TNIK: variants seen among roughly 807,000 people sequenced by gnomAD.
The protein encoded by TNIK is TRAF2 and NCK interacting kinase, also known as TRAF2 and NCK-interacting protein kinase.
A neutral mutation model predicts 191.3 loss-of-function variants in TNIK; 49 were observed. That is an observed-to-expected ratio of 0.26 (90% CI 0.20 to 0.32). TNIK has a LOEUF of 0.32. Ranked by LOEUF, TNIK falls within the 10% of genes least tolerant of loss-of-function variation. The pLI, the probability that TNIK is intolerant of heterozygous loss-of-function variation, is 1.00. For missense variants in TNIK, 1,155 were observed against 1,702.3 expected (o/e 0.68, Z 5.66); for synonymous variants, 594 against 600.9 (o/e 0.99, Z 0.17).
intron 2 of TNIK, among the ~76,000 whole-genome samples, chr3:171,277,549 A>G (rs1165169390): frequency 2.0e-5 from 3 of 152,238 alleles, no homozygotes; most frequent in African/African-American, 7.2e-5. Context: ...TGTACAACGT[A>G]TCAGCAACTT....
intron 1 of TNIK, among the ~76,000 whole-genome samples, chr3:171,428,974 C>A (rs1725002967): frequency 6.6e-6 from 1 of 152,160 alleles, no homozygotes; most frequent in Non-Finnish European, 1.5e-5. Flanking sequence ...TCTCTAGCAC[C>A]CAGTTCAGTG....
At chr3:171,387,121 T>C (rs77649954) in intron 1 of TNIK, among the ~76,000 whole-genome samples, 1,777 of 152,278 alleles carry the variant, frequency 0.012, 16 homozygotes, top group Non-Finnish European at 0.019. Flanking sequence ...ATTTAAAAGT[T>C]TGAAAAAATA....
intron 1 of TNIK, among the ~76,000 whole-genome samples, chr3:171,454,102 C>G (rs1728513171): frequency 6.6e-6 from 1 of 152,212 alleles, no homozygotes; most frequent in Non-Finnish European, 1.5e-5. Flanking sequence ...AGAGCTACTT[C>G]CCCCACAGAA....
chr3:171,108,214 G>A (rs1725268896), intron 19 of TNIK, 52 bp from the exon 20 acceptor site: 4 of 1,410,318 alleles, frequency 2.8e-6, no homozygotes, highest in Non-Finnish European at 3.8e-6. Flanking sequence ...AAAAAGTGCT[G>A]GCTCAAGTTC....
At chr3:171,155,696 A>G (rs1175742055) in intron 12 of TNIK, among the ~76,000 whole-genome samples, 2 of 152,240 alleles carry the variant, frequency 1.3e-5, no homozygotes, top group African/African-American at 4.8e-5. Flanking sequence ...AGCGTGAGAC[A>G]GAACCCAGGT....
chr3:171,137,918 TC>T (rs1180094692), intron 15 of TNIK, among the ~76,000 whole-genome samples: 13 of 151,494 alleles, frequency 8.6e-5, no homozygotes, highest in Non-Finnish European at 1.3e-4. Context: ...AAAGGTTTTT[TC>T]TATCTTCTGT....
chr3:171,182,324 G>A (rs375215133), intron 7 of TNIK, among the ~76,000 whole-genome samples: 87 of 152,052 alleles, frequency 5.7e-4, no homozygotes, highest in African/African-American at 2.0e-3. Context: ...GCCTTGTTTA[G>A]CCGTTGGATA....
At chr3:171,213,427 A>G (rs1741093301) in intron 3 of TNIK, among the ~76,000 whole-genome samples, 1 of 152,090 alleles carries the variant, frequency 6.6e-6, no homozygotes, top group African/African-American at 2.4e-5. Context: ...CAATCTTAGC[A>G]TCAGTCATTC....
intron 2 of TNIK, among the ~76,000 whole-genome samples, chr3:171,352,240 T>C (rs1713322708): frequency 6.6e-6 from 1 of 152,180 alleles, no homozygotes; most frequent in African/African-American, 2.4e-5. Flanking sequence ...TGGGTTCTCA[T>C]CCAGGGTGAT....
chr3:171,265,258 CA>C (rs1748239903), intron 2 of TNIK, among the ~76,000 whole-genome samples: 2 of 152,134 alleles, frequency 1.3e-5, no homozygotes, highest in Non-Finnish European at 2.9e-5. Flanking sequence ...TTTGAAGAAT[CA>C]AAAACTGAAA....
chr3:171,264,067 TACACACACACACACACACACACACAC>T (rs760319253), intron 2 of TNIK, among the ~76,000 whole-genome samples: 15 of 110,770 alleles, frequency 1.4e-4, no homozygotes, highest in South Asian at 6.8e-4. Flanking sequence ...TATATATACA[TACACACACACACACACACACACACAC>T]ACACACACAC....
At chr3:171,450,869 A>G (rs1728089392) in intron 1 of TNIK, among the ~76,000 whole-genome samples, 1 of 152,250 alleles carries the variant, frequency 6.6e-6, no homozygotes. Flanking sequence ...CATGCAGGCA[A>G]GATCCCTATT....
chr3:171,161,167 G>C (rs1277932832), intron 11 of TNIK, 103 bp downstream of exon 11: 4 of 1,183,292 alleles, frequency 3.4e-6, no homozygotes, highest in Non-Finnish European at 4.8e-6. Context: ...AGACCACCCT[G>C]GTGGATTCTT....
At chr3:171,187,161 T>C (rs1737466503) in intron 7 of TNIK, among the ~76,000 whole-genome samples, 1 of 152,246 alleles carries the variant, frequency 6.6e-6, no homozygotes, top group South Asian at 2.1e-4. Context: ...TTGTTAGGTA[T>C]AACTATGGTT....
chr3:171,322,839 CT>C (rs10617013), intron 2 of TNIK, among the ~76,000 whole-genome samples: 81,504 of 136,128 alleles, frequency 0.6, 24,109 homozygotes, highest in East Asian at 0.72. Flanking sequence ...GTTTTCTTTT[CT>C]TTTTTTTTTT....
intron 10 of TNIK, among the ~76,000 whole-genome samples, chr3:171,163,464 G>C (rs1446493462): frequency 6.6e-6 from 1 of 152,130 alleles, no homozygotes; most frequent in African/African-American, 2.4e-5. Flanking sequence ...CCATTAAAGA[G>C]ATAATGAAGG....
intron 2 of TNIK, among the ~76,000 whole-genome samples, chr3:171,294,925 C>T (rs1577381731): frequency 2.0e-5 from 3 of 151,826 alleles, no homozygotes; most frequent in Admixed American, 2.0e-4. Flanking sequence ...TCCATGTGTT[C>T]ATTCAGAGAT....
At chr3:171,079,101 T>C (rs922249155) in intron 28 of TNIK, among the ~76,000 whole-genome samples, 2 of 152,208 alleles carry the variant, frequency 1.3e-5, no homozygotes, top group African/African-American at 4.8e-5. Flanking sequence ...TCTGTTGGAT[T>C]GATTTTGATC....
intron 1 of TNIK, among the ~76,000 whole-genome samples, chr3:171,383,968 A>G (rs1408163829): frequency 2.0e-5 from 3 of 152,178 alleles, no homozygotes; most frequent in African/African-American, 7.2e-5. Context: ...CTTTAAAGCT[A>G]CAGCACACCT....
Sources: allele counts gnomAD v4.1 joint callset (sites outside exome capture counted in the v4.1 genomes callset), GRCh38; gene constraint gnomAD v4.1.1; transcripts MANE v1.5; gene names NCBI Gene and HGNC (gene_info 2026-07-23, HGNC 2026-07-21).